The following ACSM2A variants were observed in gnomAD, a reference collection of about 807,000 sequenced individuals.
The protein encoded by ACSM2A is acyl-coenzyme A synthetase ACSM2A, mitochondrial.
A neutral mutation model predicts 76.6 loss-of-function variants in ACSM2A; 72 were observed. The observed-to-expected ratio is 0.94, with a 90% CI of 0.78 to 1.14. ACSM2A has a LOEUF of 1.14. ACSM2A is among the 50% of genes most tolerant of loss of function. The pLI is 0.00. For missense variants in ACSM2A, 684 were observed against 708.5 expected (o/e 0.97, Z 0.39); for synonymous variants, 249 against 255.9 (o/e 0.97, Z 0.26).
chr16:20,472,013 G>C (rs1041920240), intron 6 of ACSM2A, among the ~76,000 whole-genome samples: 1 of 152,198 alleles, frequency 6.6e-6, no homozygotes, highest in Non-Finnish European at 1.5e-5. Flanking sequence ...AAAAGGGAAA[G>C]CTGGAGTATT....
At chr16:20,454,493 C>A (rs1249780516) in intron 1 of ACSM2A, among the ~76,000 whole-genome samples, 1 of 151,824 alleles carries the variant, frequency 6.6e-6, no homozygotes, top group Non-Finnish European at 1.5e-5. Context: ...GAGGTAAACT[C>A]TGTGCTGCCT....
rs757751055 is a variant in ACSM2A at position 20,469,548 on chromosome 16, C to A, written c.425C>A (p.Ser142Tyr). 10 of 1,613,582 alleles carry A rather than the reference C, an allele frequency of 6.2e-6. No individual in the cohort carries two copies. Among genetic ancestry groups the A allele is most frequent in the South Asian group, 2.2e-5 (2 of 91,062 alleles). ...IFMPGTIQMKSTDILYRLQMS... is the reference protein window; with the variant it reads ...IFMPGTIQMKYTDILYRLQMS... Reference sequence around the variant, plus strand: ...ATGCCTGGAACCATCCAGATGAAATCCACTGACATACTGTATAGGTTGCAG... The same window carrying A: ...ATGCCTGGAACCATCCAGATGAAATACACTGACATACTGTATAGGTTGCAG... The change falls in exon 4 of 14, where the codon TCC becomes TAC. Residue 142 changes from serine (S) to tyrosine (Y), a missense_variant. Physicochemically the swap from Ser to Tyr is moderately radical, Grantham distance 144 (BLOSUM62 -2). This residue lies in a region of ACSM2A where 519 missense variants were observed against 549.5 expected (regional missense o/e 0.94). Transcript: ENST00000573854.
chr16:20,452,837 G>A (rs1263000320), intron 1 of ACSM2A, among the ~76,000 whole-genome samples: 1 of 151,570 alleles, frequency 6.6e-6, no homozygotes, highest in Admixed American at 6.6e-5. Context: ...TGTTTAAAGA[G>A]TTATACAAAA....
At chr16:20,462,652 A>T (rs2012695511) in intron 2 of ACSM2A, among the ~76,000 whole-genome samples, 1 of 152,058 alleles carries the variant, frequency 6.6e-6, no homozygotes, top group Non-Finnish European at 1.5e-5. Flanking sequence ...GATACATGAG[A>T]CTCTTTCAGG....
chr16:20,487,076 AGC>A lies in ACSM2A; in HGVS notation c.*399_*400del, dbSNP rs2014419273. On this transcript the variant is annotated 3_prime_UTR_variant, in exon 14 of 14. Transcript: ENST00000573854. The stretch of plus-strand genomic sequence containing the variant: ...TGAAGGGAGAATCAGAAAAATAAAG[AGC>A]AGAAAGGAAAGAAATAAAGAGAGAA... 1 of 158,838 alleles carries A rather than the reference AGC, an allele frequency of 6.3e-6. No individual in the cohort carries two copies. The highest frequency in any genetic ancestry group is 1.4e-5 in the Non-Finnish European group (1 of 73,066). 9.8% of individuals were successfully genotyped at this position (158,838 alleles called of 1,614,324 possible).
intron 12 of ACSM2A, chr16:20,481,270 C>A (rs1335195094): frequency 1.4e-4 from 41 of 298,862 alleles, no homozygotes; most frequent in Admixed American, 9.3e-5. Flanking sequence ...GATGTCCACA[C>A]TCCCATGGTA....
chr16:20,469,869 GGTATT>G, intron 4 of ACSM2A, 150 bp downstream of exon 4: 2 of 824,600 alleles, frequency 2.4e-6, no homozygotes, highest in East Asian at 4.0e-5. Flanking sequence ...CTAACACAAG[GGTATT>G]TTTTTTTTTT....
intron 13 of ACSM2A, among the ~76,000 whole-genome samples, chr16:20,483,551 C>G (rs1335340335): frequency 9.6e-6 from 1 of 104,016 alleles, no homozygotes; most frequent in South Asian, 3.6e-4. Flanking sequence ...GCCCAGGTGA[C>G]AGAGTGAGAC....
intron 12 of ACSM2A, chr16:20,482,838 G>C (rs550604404): frequency 5.5e-6 from 3 of 546,266 alleles, no homozygotes; most frequent in African/African-American, 1.9e-5. Flanking sequence ...GGTGAGCCTA[G>C]TCTCAATCTT....
Position 20,471,599 on chromosome 16 carries a change from C to T in ACSM2A, c.804C>T (p.Asn268=), listed in dbSNP as rs1161427966. The T allele has an allele frequency of 6.2e-7, 1 of 1,614,086 alleles. No individual in the cohort carries two copies. Among genetic ancestry groups the T allele is most frequent in the African/African-American group, 1.3e-5 (1 of 75,036 alleles). ...WTISDTGWIL[N]ILCSLMEPWA... Reference sequence around the variant, plus strand: ...TATCAGACACAGGTTGGATACTGAACATCTTGTGCTCACTTATGGAACCTT... The same window carrying T: ...TATCAGACACAGGTTGGATACTGAATATCTTGTGCTCACTTATGGAACCTT... The change falls in exon 6 of 14, where the codon AAC becomes AAT. Residue 268 remains asparagine, a synonymous_variant. Coordinates refer to ENST00000573854, the MANE Select transcript of ACSM2A (RefSeq NM_001308172.2).
chr16:20,477,204 G>T, intron 8 of ACSM2A, 165 bp from the exon 9 acceptor site: 18 of 1,271,358 alleles, frequency 1.4e-5, no homozygotes, highest in Non-Finnish European at 1.9e-5. Context: ...CTAGGATTGT[G>T]GTTCCAGTAA....
rs1490295148 is a variant in ACSM2A at position 20,474,024 on chromosome 16, C to G, written c.895-1338C>G. The G allele has an allele frequency of 8.9e-6, 4 of 447,486 alleles. No homozygotes were observed. In the Admixed American group the frequency reaches 9.6e-5, roughly 11 times the overall value. The allele number at this position is 447,486 out of a possible 1,614,324, so 27.7% of individuals were successfully genotyped here. A position where few individuals can be genotyped will look rare whatever the true frequency, so the allele number is the denominator to read the frequency against. ...AAATCTACCTATAAGCTGGAAGCCC[C>G]CGCTTCAAGTTGCCCCACCTTTCTG... On this transcript the variant is annotated intron_variant, in intron 6 of 13. Coordinates refer to ENST00000573854, the MANE Select transcript of ACSM2A (RefSeq NM_001308172.2).
intron 8 of ACSM2A, chr16:20,476,733 C>A: frequency 9.8e-7 from 1 of 1,017,504 alleles, no homozygotes; most frequent in South Asian, 4.1e-5. Flanking sequence ...ATCTTTTGTC[C>A]AGGCTAGATC....
At chr16:20,458,965 A>G (rs937984824) in intron 1 of ACSM2A, among the ~76,000 whole-genome samples, 1 of 130,900 alleles carries the variant, frequency 7.6e-6, no homozygotes, top group Non-Finnish European at 1.6e-5. Flanking sequence ...CTACTCAGCC[A>G]TGAAAAAGAA....
In ACSM2A at chr16:20,471,562, T is replaced by C. The variant is rs2013405838; in HGVS notation, c.767T>C (p.Ile256Thr). 1 of 1,613,874 alleles carries C rather than the reference T, an allele frequency of 6.2e-7. No individual in the cohort carries two copies. The highest frequency in any genetic ancestry group is 8.5e-7 in the Non-Finnish European group (1 of 1,179,880). The change falls in exon 6 of 14, where the codon ATA becomes ACA. Residue 256 changes from isoleucine to threonine, a missense_variant. Coordinates refer to ENST00000573854, the MANE Select transcript of ACSM2A (RefSeq NM_001308172.2). ...AGWTGLQASD[I>T]MWTISDTGWI... ...TGGACAGGCCTGCAAGCCTCTGATA[T>C]AATGTGGACCATATCAGACACAGGT...
chr16:20,475,896 C>G, intron 8 of ACSM2A, 123 bp downstream of exon 8: 1 of 1,535,610 alleles, frequency 6.5e-7, no homozygotes, highest in Non-Finnish European at 8.7e-7. Flanking sequence ...TATTGAGCCT[C>G]TATGAAGGGA....
At chr16:20,461,617 T>G (rs2012627229) in intron 2 of ACSM2A, among the ~76,000 whole-genome samples, 2 of 152,056 alleles carry the variant, frequency 1.3e-5, no homozygotes, top group South Asian at 4.2e-4. Flanking sequence ...AATAAAAAGG[T>G]GCAACTCATT....
intron 6 of ACSM2A, among the ~76,000 whole-genome samples, chr16:20,475,088 T>C (rs1350662069): frequency 6.6e-6 from 1 of 152,192 alleles, no homozygotes; most frequent in Non-Finnish European, 1.5e-5. Flanking sequence ...AGTCTTAAAC[T>C]GGCAGGAACA....
At chr16:20,473,940 C>T (rs2013571315) in intron 6 of ACSM2A, 5 of 394,040 alleles carry the variant, frequency 1.3e-5, no homozygotes, top group Non-Finnish European at 2.4e-5. Flanking sequence ...CTAAGGCATT[C>T]CTTTCTATTG....
Sources: allele counts gnomAD v4.1 joint callset (sites outside exome capture counted in the v4.1 genomes callset), GRCh38; gene constraint gnomAD v4.1.1; regional missense constraint gnomAD v4.1.1; transcripts MANE v1.5; gene names NCBI Gene and HGNC (gene_info 2026-07-23, HGNC 2026-07-21).